Variants in NUP210L observed in about 807,000 individuals in gnomAD.
The protein encoded by NUP210L is nuclear pore membrane glycoprotein 210-like.
Under a neutral mutation model 208.5 loss-of-function variants are expected in NUP210L, and 74 were observed. The ratio of observed to expected loss-of-function variants is 0.35; its 90% CI spans 0.29 to 0.43. NUP210L has a LOEUF of 0.43. NUP210L is among the 20% of genes least tolerant of loss of function. The pLI is 1.00. For synonymous variants in NUP210L, 780 were observed against 816.9 expected, an observed-to-expected ratio of 0.95 and a Z score of 0.77; for missense variants, 1,843 against 2,289.4, an observed-to-expected ratio of 0.81 and a Z score of 3.98.
intron 7 of NUP210L, among the ~76,000 whole-genome samples, chr1:154,134,343 C>T (rs1343642797): frequency 7.3e-5 from 11 of 151,156 alleles, no homozygotes; most frequent in Admixed American, 7.3e-4. Flanking sequence ...GAGATGGAGT[C>T]CAAATCATAT....
chr1:154,139,880 T>C (rs1219840480), exon 5 of NUP210L: 9 of 1,611,836 alleles, frequency 5.6e-6, no homozygotes, highest in Non-Finnish European at 7.6e-6. Context: ...TCACATCTCC[T>C]TGTTTCTCCT....
intron 17 of NUP210L, among the ~76,000 whole-genome samples, chr1:154,063,618 C>T (rs571219580): frequency 6.6e-6 from 1 of 152,168 alleles, no homozygotes; most frequent in South Asian, 2.1e-4. Flanking sequence ...ATCTTAGGTC[C>T]TAAAACTGAG....
In NUP210L at chr1:154,126,407, G is replaced by A. The variant is rs148695507; in HGVS notation, c.1242C>T (p.Thr414=). ...TTACTATATGGTAAGATCCATTCACGGTAGTTAGTTGCTCTTCAAAGTACT... is the reference window on the plus strand; with the variant it reads ...TTACTATATGGTAAGATCCATTCACAGTAGTTAGTTGCTCTTCAAAGTACT... The change falls in exon 10 of 40, where the codon ACC becomes ACT. Residue 414 remains threonine, a synonymous_variant. Transcript: ENST00000368559. 807 of 1,612,852 alleles carry A rather than the reference G, an allele frequency of 5.0e-4. 4 individuals are homozygous for A. In the African/African-American group the frequency reaches 9.3e-3, roughly 19 times the overall value.
chr1:154,005,491 G>T lies in NUP210L; in HGVS notation c.4931-3506C>A, dbSNP rs148412699. 6.8e-3 allele frequency among the ~76,000 whole-genome samples: 1,035 copies of T among 152,124 alleles called. 6 individuals are homozygous for T. The highest frequency in any genetic ancestry group is 0.011 in the Non-Finnish European group (769 of 68,010). ...TGATCCACCGCCTTGGCCTCCCAAA[G>T]TGCTTGGATTACAGGTGTGAGCCAC... On this transcript the variant is annotated intron_variant, in intron 35 of 39. Transcript: ENST00000368559.
intron 35 of NUP210L, among the ~76,000 whole-genome samples, chr1:154,005,546 T>C (rs1385710544): frequency 6.6e-6 from 1 of 151,680 alleles, no homozygotes; most frequent in Non-Finnish European, 1.5e-5. Context: ...TTTGTTTGTT[T>C]GTTTTTTGAG....
At chr1:153,993,737 A>G (rs912791819) in intron 38 of NUP210L, among the ~76,000 whole-genome samples, 3 of 151,902 alleles carry the variant, frequency 2.0e-5, no homozygotes, top group Non-Finnish European at 4.4e-5. Flanking sequence ...ACATGCCACT[A>G]AAAATAAAAA....
At chr1:154,112,064 A>T (rs886465848) in intron 12 of NUP210L, among the ~76,000 whole-genome samples, 7 of 151,452 alleles carry the variant, frequency 4.6e-5, no homozygotes, top group Non-Finnish European at 8.8e-5. Context: ...AGTAGCTGGG[A>T]CTATAGGTGC....
At chr1:154,131,166 G>A (rs1157370650) in intron 7 of NUP210L, among the ~76,000 whole-genome samples, 2 of 151,888 alleles carry the variant, frequency 1.3e-5, no homozygotes, top group Non-Finnish European at 1.5e-5. Context: ...CAGCTACTTG[G>A]GAGGCTGAGG....
intron 12 of NUP210L, among the ~76,000 whole-genome samples, chr1:154,107,731 G>A (rs1656841809): frequency 6.6e-6 from 1 of 151,444 alleles, no homozygotes; most frequent in African/African-American, 2.4e-5. Context: ...GCTGGGCATG[G>A]TGGCGCATGC....
At chr1:154,096,461 T>C (rs1399658551) in intron 14 of NUP210L, among the ~76,000 whole-genome samples, 1 of 152,064 alleles carries the variant, frequency 6.6e-6, no homozygotes, top group Admixed American at 6.6e-5. Context: ...ATATAATAAG[T>C]GTTACAAAAA....
rs556141523 is a variant in NUP210L, at chr1:154,048,029, T to C, written c.3484-1660A>G. 5.3e-5 allele frequency among the ~76,000 whole-genome samples: 8 copies of C among 152,322 alleles called. No homozygotes were observed. In the East Asian group the frequency reaches 1.2e-3, roughly 22 times the overall value. On this transcript the variant is annotated intron_variant, in intron 25 of 39. Coordinates refer to ENST00000368559, the Ensembl canonical transcript of NUP210L. ...TGGAACAAGTGTGGGCTCTAGTTTG[T>C]TCCACCTTGGAACATTTTCACACTG...
chr1:154,027,433 T>G (rs546442309), intron 29 of NUP210L, 73 bp downstream of exon 29: 1 of 1,084,452 alleles, frequency 9.2e-7, no homozygotes, highest in South Asian at 1.4e-5. Context: ...AAAAGTGTTC[T>G]TTCTATGTCA....
chr1:154,075,608 G>A (rs1462337152), intron 16 of NUP210L, among the ~76,000 whole-genome samples: 1 of 151,866 alleles, frequency 6.6e-6, no homozygotes, highest in Non-Finnish European at 1.5e-5. Flanking sequence ...ACAAAACCAG[G>A]GGAGGAGAAG....
intron 16 of NUP210L, among the ~76,000 whole-genome samples, chr1:154,087,223 G>T (rs1404486906): frequency 1.3e-5 from 2 of 151,560 alleles, no homozygotes; most frequent in Non-Finnish European, 2.9e-5. Flanking sequence ...AGGAGGATGA[G>T]GCAAGAGAAT....
At chr1:154,083,122 G>T (rs575643397) in intron 16 of NUP210L, among the ~76,000 whole-genome samples, 2 of 152,116 alleles carry the variant, frequency 1.3e-5, no homozygotes, top group Non-Finnish European at 2.9e-5. Context: ...AAAAGCAACC[G>T]AGCAGGTTGC....
At chr1:154,012,482 A>G (rs1650982482) in intron 33 of NUP210L, 112 bp from the exon 34 acceptor site, 9 of 968,742 alleles carry the variant, frequency 9.3e-6, no homozygotes, top group Non-Finnish European at 1.2e-5. Context: ...ACACAAGTAC[A>G]GATTCCATCT....
Position 154,092,071 on chromosome 1 carries a change from ATT to A in NUP210L, c.2188-2479_2188-2478del, listed in dbSNP as rs764216863. 3.0e-3 allele frequency among the ~76,000 whole-genome samples: 369 copies of A among 124,586 alleles called. 3 individuals are homozygous for A. The highest frequency in any genetic ancestry group is 0.01 in the African/African-American group (344 of 33,472). The allele number at this position is 124,586 out of a possible 152,430, so 81.7% of individuals were successfully genotyped here. On this transcript the variant is annotated intron_variant, in intron 15 of 39. Transcript: ENST00000368559. ...TGGGGTGAAGCAGAAATGGGGAGCC[ATT>A]TTTTTTTTTTTTTTTTTTTTGAGAC...
exon 9 of NUP210L, chr1:154,127,351 T>C: frequency 6.2e-7 from 1 of 1,606,734 alleles, no homozygotes; most frequent in East Asian, 2.2e-5. Context: ...ATCAAAGACG[T>C]CTACTGTAAT....
intron 27 of NUP210L, among the ~76,000 whole-genome samples, chr1:154,042,395 A>G (rs1652933262): frequency 6.8e-6 from 1 of 148,006 alleles, no homozygotes; most frequent in Non-Finnish European, 1.5e-5. Context: ...GAGCCGCCGC[A>G]CCCAGCCCAT....
Sources: gnomAD v4.1 joint callset for allele counts (sites outside exome capture counted in the v4.1 genomes callset) on GRCh38, gnomAD v4.1.1 for gene constraint, MANE v1.5 for transcripts, NCBI Gene and HGNC (gene_info 2026-07-23, HGNC 2026-07-21) for gene names.